The following NTM variants were observed in gnomAD, a reference collection of about 807,000 sequenced individuals.
NTM encodes the protein neurotrimin.
In NTM, 13 loss-of-function variants were observed where a neutral mutation model predicts 42.1. The observed-to-expected ratio is 0.31, with a 90% CI of 0.20 to 0.49. The LOEUF is 0.49. Among genes scored for constraint, NTM ranks in the 20% least tolerant of loss-of-function variants. The pLI, the probability that NTM is intolerant of heterozygous loss-of-function variation, is 0.99. For missense variants in NTM, 373 were observed against 452.8 expected, an observed-to-expected ratio of 0.82 and a Z score of 1.60; for synonymous variants, 187 against 179.2, an observed-to-expected ratio of 1.04 and a Z score of -0.35.
At chr11:131,428,558 A>T (rs1364360257) in intron 1 of NTM, among the ~76,000 whole-genome samples, 8 of 152,076 alleles carry the variant, frequency 5.3e-5, no homozygotes, top group African/African-American at 1.7e-4. Flanking sequence ...CTCCCACACG[A>T]CATGCTTCCC....
intron 1 of NTM, among the ~76,000 whole-genome samples, chr11:131,824,862 A>G (rs1208836263): frequency 1.3e-5 from 2 of 152,164 alleles, no homozygotes; most frequent in Non-Finnish European, 2.9e-5. Flanking sequence ...GCTCTGCTGT[A>G]AGAGGCAGAA....
intron 1 of NTM, among the ~76,000 whole-genome samples, chr11:131,887,588 TAC>T (rs2137417989): frequency 6.6e-6 from 1 of 152,366 alleles, no homozygotes; most frequent in South Asian, 2.1e-4. Flanking sequence ...CTAAAAAAAC[TAC>T]AGATCCATCT....
At chr11:131,807,146 G>A (rs1002142329) in intron 1 of NTM, among the ~76,000 whole-genome samples, 2 of 152,196 alleles carry the variant, frequency 1.3e-5, no homozygotes, top group Non-Finnish European at 2.9e-5. Context: ...CCCCATGGCT[G>A]TGACTGAAAG....
At chr11:132,091,659 C>A (rs1317076006) in intron 2 of NTM, among the ~76,000 whole-genome samples, 1 of 151,752 alleles carries the variant, frequency 6.6e-6, no homozygotes. Flanking sequence ...TTTAAATTTG[C>A]TTGTATACTT....
intron 4 of NTM, among the ~76,000 whole-genome samples, chr11:132,224,892 A>G (rs1326429777): frequency 3.3e-5 from 5 of 152,186 alleles, no homozygotes; most frequent in African/African-American, 9.7e-5. Flanking sequence ...CTTATTGCCT[A>G]TTCGGGAGAA....
At chr11:131,872,669 G>T (rs2137097079) in intron 1 of NTM, among the ~76,000 whole-genome samples, 1 of 152,294 alleles carries the variant, frequency 6.6e-6, no homozygotes, top group South Asian at 2.1e-4. Flanking sequence ...AGTATTTTAA[G>T]AGCCCGTCTA....
chr11:131,849,966 T>TATAATAATAATAATA (rs10605011), intron 1 of NTM, among the ~76,000 whole-genome samples: 5 of 146,732 alleles, frequency 3.4e-5, no homozygotes, highest in African/African-American at 1.3e-4. Flanking sequence ...AAACTTAAAG[T>TATAATAATAATAATA]ATAATAATAA....
intron 7 of NTM, among the ~76,000 whole-genome samples, chr11:132,315,247 G>A (rs1037992737): frequency 6.6e-6 from 1 of 152,142 alleles, no homozygotes; most frequent in Non-Finnish European, 1.5e-5. Flanking sequence ...GGGACATGAA[G>A]AGCCCCACCT....
chr11:131,491,805 T>C (rs4937632), intron 1 of NTM, among the ~76,000 whole-genome samples: 37,146 of 151,992 alleles, frequency 0.24, 4,871 homozygotes, highest in African/African-American at 0.32. Context: ...CAGAGACACA[T>C]ATGGGAATGG....
At chr11:132,142,673 G>T (rs1401854883) in intron 2 of NTM, among the ~76,000 whole-genome samples, 1 of 152,142 alleles carries the variant, frequency 6.6e-6, no homozygotes, top group Non-Finnish European at 1.5e-5. Flanking sequence ...CTGATACCCA[G>T]CAGTGACAGT....
chr11:131,634,583 C>A (rs545822345), intron 1 of NTM, among the ~76,000 whole-genome samples: 1 of 151,510 alleles, frequency 6.6e-6, no homozygotes, highest in African/African-American at 2.4e-5. Flanking sequence ...GCTGGAGAGG[C>A]CTTATCATTT....
intron 1 of NTM, among the ~76,000 whole-genome samples, chr11:131,472,876 C>T (rs73588739): frequency 0.043 from 6,557 of 152,134 alleles, 460 homozygotes; most frequent in African/African-American, 0.15. Context: ...CACTACCCCC[C>T]AGAGATTGAG....
At chr11:131,826,564 TA>T (rs61647362) in intron 1 of NTM, among the ~76,000 whole-genome samples, 31 of 143,562 alleles carry the variant, frequency 2.2e-4, no homozygotes, top group South Asian at 1.1e-3. Flanking sequence ...CGTAATATTC[TA>T]AAAAAAAAAA....
intron 1 of NTM, among the ~76,000 whole-genome samples, chr11:131,464,082 T>C (rs1189807374): frequency 6.6e-6 from 1 of 152,146 alleles, no homozygotes; most frequent in Non-Finnish European, 1.5e-5. Context: ...TTCCTCTCTC[T>C]GGAGATTGTG....
At chr11:131,796,517 G>T (rs1243955157) in intron 1 of NTM, among the ~76,000 whole-genome samples, 1 of 152,202 alleles carries the variant, frequency 6.6e-6, no homozygotes, top group Non-Finnish European at 1.5e-5. Flanking sequence ...AACACAAAGG[G>T]GCAAGTGCCT....
At chr11:132,234,023 C>T (rs1307686056) in intron 4 of NTM, among the ~76,000 whole-genome samples, 1 of 152,212 alleles carries the variant, frequency 6.6e-6, no homozygotes, top group South Asian at 2.1e-4. Context: ...CAACAAGACA[C>T]TTTCTTGCCT....
intron 1 of NTM, among the ~76,000 whole-genome samples, chr11:131,572,731 A>AG (rs1404124610): frequency 2.6e-5 from 4 of 152,166 alleles, no homozygotes; most frequent in Admixed American, 2.6e-4. Context: ...GAGGCTATTA[A>AG]GGTGTGGCGT....
At chr11:132,051,494 G>C (rs1256472205) in intron 2 of NTM, among the ~76,000 whole-genome samples, 1 of 152,194 alleles carries the variant, frequency 6.6e-6, no homozygotes, top group Non-Finnish European at 1.5e-5. Context: ...CAGTGACCAG[G>C]AGGGAAGGAA....
At chr11:131,431,257 C>T (rs1948627751) in intron 1 of NTM, among the ~76,000 whole-genome samples, 1 of 151,988 alleles carries the variant, frequency 6.6e-6, no homozygotes, top group Non-Finnish European at 1.5e-5. Flanking sequence ...AAAGGATGCC[C>T]GAGGGGAAGG....
Sources: gnomAD v4.1 joint callset for allele counts (sites outside exome capture counted in the v4.1 genomes callset) on GRCh38, gnomAD v4.1.1 for gene constraint, MANE v1.5 for transcripts, NCBI Gene and HGNC (gene_info 2026-07-23, HGNC 2026-07-21) for gene names.